PARD3B: variants seen among roughly 807,000 people sequenced by gnomAD.
PARD3B encodes the protein par-3 family cell polarity regulator beta, also known as partitioning defective 3 homolog B.
Under a neutral mutation model 130.2 loss-of-function variants are expected in PARD3B, and 103 were observed. That is an observed-to-expected ratio of 0.79 (90% confidence interval 0.67 to 0.93). PARD3B has a LOEUF of 0.93. Ranked by LOEUF, PARD3B falls within the 40% of genes least tolerant of loss-of-function variation. The pLI, the probability that PARD3B is intolerant of heterozygous loss-of-function variation, is 0.00. For missense variants in PARD3B, 1,609 were observed against 1,499.2 expected (o/e 1.07, Z -1.21); for synonymous variants, 583 against 553.2 (o/e 1.05, Z -0.76).
At chr2:204,582,547 C>G (rs979311813) in intron 1 of PARD3B, among the ~76,000 whole-genome samples, 12 of 152,036 alleles carry the variant, frequency 7.9e-5, no homozygotes, top group Non-Finnish European at 1.6e-4. Context: ...CACCCAACTT[C>G]TTAGGTTTCT....
At chr2:205,165,770 T>TAAATAAAA (rs2034777483) in intron 11 of PARD3B, among the ~76,000 whole-genome samples, 1 of 141,706 alleles carries the variant, frequency 7.1e-6, no homozygotes, top group Non-Finnish European at 1.6e-5. Context: ...AATAAATAAA[T>TAAATAAAA]AAAAGCTTCA....
chr2:205,608,453 A>G (rs1303073620), intron 22 of PARD3B, among the ~76,000 whole-genome samples: 1 of 152,218 alleles, frequency 6.6e-6, no homozygotes, highest in Non-Finnish European at 1.5e-5. Context: ...TGTTCTGTGG[A>G]TAAACAGACC....
intron 2 of PARD3B, among the ~76,000 whole-genome samples, chr2:204,936,006 A>G (rs1384567532): frequency 2.0e-5 from 3 of 152,246 alleles, no homozygotes; most frequent in East Asian, 1.9e-4. Context: ...CTAAGTGTCT[A>G]TAAACATGTA....
At chr2:205,216,185 A>G (rs148783262) in intron 15 of PARD3B, among the ~76,000 whole-genome samples, 2 of 152,278 alleles carry the variant, frequency 1.3e-5, no homozygotes, top group East Asian at 1.9e-4. Context: ...TATAGTATTC[A>G]CTATAGTAAC....
chr2:205,535,538 AT>A (rs1400577686), intron 21 of PARD3B, among the ~76,000 whole-genome samples: 8 of 152,200 alleles, frequency 5.3e-5, no homozygotes, highest in Admixed American at 2.6e-4. Flanking sequence ...CATTAATATG[AT>A]ATTTGTTTGT....
intron 3 of PARD3B, among the ~76,000 whole-genome samples, chr2:205,029,839 G>A (rs1697300667): frequency 6.6e-6 from 1 of 152,136 alleles, no homozygotes; most frequent in Non-Finnish European, 1.5e-5. Flanking sequence ...TTACCAGACA[G>A]AACCCTGGGC....
intron 10 of PARD3B, among the ~76,000 whole-genome samples, chr2:205,149,112 A>T (rs994661135): frequency 1.1e-4 from 16 of 152,188 alleles, no homozygotes; most frequent in Non-Finnish European, 2.1e-4. Context: ...AACACTCTTA[A>T]GGTAATAGTA....
intron 2 of PARD3B, among the ~76,000 whole-genome samples, chr2:204,925,031 A>G (rs1165578480): frequency 1.3e-5 from 2 of 150,474 alleles, no homozygotes; most frequent in Non-Finnish European, 3.0e-5. Context: ...CATATATATC[A>G]GGTATATAAA....
At chr2:204,663,155 G>A in intron 1 of PARD3B, among the ~76,000 whole-genome samples, 1 of 152,140 alleles carries the variant, frequency 6.6e-6, no homozygotes, top group Admixed American at 6.5e-5. Context: ...CTGTAACCAT[G>A]GTTACTGTTT....
Position 205,435,271 on chromosome 2 carries a change from T to A in PARD3B, c.2742-5099T>A, listed in dbSNP as rs184959477. On this transcript the variant is annotated intron_variant, in intron 19 of 22. Coordinates refer to ENST00000406610, the MANE Select transcript of PARD3B (RefSeq NM_001302769.2). ...TACCCTCACCCTTACATACATCATC[T>A]TCTTTTTAGTATAGGAATAGTATGA... 1.2e-4 allele frequency among the ~76,000 whole-genome samples: 18 copies of A among 152,134 alleles called. No individual in the cohort carries two copies. In the East Asian group the frequency reaches 1.7e-3, roughly 15 times the overall value.
chr2:204,747,472 G>A (rs2040288305), intron 2 of PARD3B, among the ~76,000 whole-genome samples: 1 of 152,162 alleles, frequency 6.6e-6, no homozygotes, highest in South Asian at 2.1e-4. Context: ...CTCATGGATA[G>A]GAAGAATCAG....
At chr2:204,695,450 T>C (rs573344567) in intron 2 of PARD3B, among the ~76,000 whole-genome samples, 40 of 152,186 alleles carry the variant, frequency 2.6e-4, no homozygotes, top group African/African-American at 9.6e-4. Flanking sequence ...GCTCCACTAA[T>C]ACCTAGCTGA....
chr2:204,732,470 A>T (rs1338574973), intron 2 of PARD3B, among the ~76,000 whole-genome samples: 6 of 151,844 alleles, frequency 4.0e-5, no homozygotes, highest in African/African-American at 1.5e-4. Context: ...TTAAGATTAC[A>T]GTGTTAATTA....
Position 205,284,525 on chromosome 2 carries a change from C to G in PARD3B, c.2186-16005C>G, listed in dbSNP as rs113372017. 1.9e-3 allele frequency among the ~76,000 whole-genome samples: 292 copies of G among 152,210 alleles called. 9 individuals carry two copies. In the East Asian group the frequency reaches 0.031, roughly 16 times the overall value. On this transcript the variant is annotated intron_variant, in intron 16 of 22. Coordinates refer to ENST00000406610, the MANE Select transcript of PARD3B (RefSeq NM_001302769.2). ...CTTTTGACCTGAAAGAGTTAATGCT[C>G]TATTGAAAGTGGCTGGGTTGTCCCC... is the stretch of plus-strand genomic sequence containing the variant.
chr2:204,849,966 A>G (rs2044642024), intron 2 of PARD3B, among the ~76,000 whole-genome samples: 1 of 152,156 alleles, frequency 6.6e-6, no homozygotes. Context: ...ATAAATTGGT[A>G]TTTTTCTAAA....
At chr2:204,572,624 A>G (rs1425089778) in intron 1 of PARD3B, among the ~76,000 whole-genome samples, 1 of 152,248 alleles carries the variant, frequency 6.6e-6, no homozygotes, top group East Asian at 1.9e-4. Context: ...CTATAAATAC[A>G]GAAGCTGTGT....
chr2:205,315,469 G>A (rs554026233), intron 18 of PARD3B, among the ~76,000 whole-genome samples: 4 of 152,106 alleles, frequency 2.6e-5, no homozygotes, highest in Non-Finnish European at 5.9e-5. Flanking sequence ...TGTACCCTAG[G>A]ATCATCTACA....
chr2:205,420,753 G>A (rs919596021), intron 19 of PARD3B, among the ~76,000 whole-genome samples: 1 of 152,172 alleles, frequency 6.6e-6, no homozygotes, highest in South Asian at 2.1e-4. Context: ...CCTCTTCTGG[G>A]ATACTTCCCT....
intron 18 of PARD3B, among the ~76,000 whole-genome samples, chr2:205,377,425 A>G (rs542287178): frequency 6.6e-6 from 1 of 152,156 alleles, no homozygotes; most frequent in Non-Finnish European, 1.5e-5. Flanking sequence ...AACACCAGTA[A>G]GGGGTTTAAC....
Sources: allele counts gnomAD v4.1 joint callset (sites outside exome capture counted in the v4.1 genomes callset), GRCh38; gene constraint gnomAD v4.1.1; transcripts MANE v1.5; gene names NCBI Gene and HGNC (gene_info 2026-07-23, HGNC 2026-07-21).